The following ARHGAP22 variants were observed in gnomAD, a reference collection of about 807,000 sequenced individuals.
The protein encoded by ARHGAP22 is Rho GTPase activating protein 22.
In ARHGAP22, 48 loss-of-function variants were observed where a neutral mutation model predicts 59.1. That is an observed-to-expected ratio of 0.81 (90% CI 0.64 to 1.03). The LOEUF is 1.03. ARHGAP22 is among the 50% of genes least tolerant of loss of function. The probability of loss-of-function intolerance (pLI) is 0.00; values close to 1 mark genes in which losing one functional copy is unlikely to be tolerated. For synonymous variants in ARHGAP22, 445 were observed against 416.4 expected (o/e 1.07, Z -0.84); for missense variants, 1,015 against 958.7 (o/e 1.06, Z -0.78).
At chr10:48,653,193 T>C (rs560810892), upstream of ARHGAP22, among the ~76,000 whole-genome samples, 1 of 152,348 alleles carries the variant, frequency 6.6e-6, no homozygotes, top group South Asian at 2.1e-4. Flanking sequence ...CTCTGTTCTA[T>C]TGAGCTTGCA....
intron 1 of ARHGAP22, among the ~76,000 whole-genome samples, chr10:48,612,727 C>T (rs763520252): frequency 3.3e-5 from 5 of 152,230 alleles, no homozygotes; most frequent in Non-Finnish European, 7.3e-5. Flanking sequence ...TTCTGTGACT[C>T]ACAACCCACA....
chr10:48,470,702 T>G (rs1477560676), intron 4 of ARHGAP22, among the ~76,000 whole-genome samples: 4 of 152,204 alleles, frequency 2.6e-5, no homozygotes, highest in Non-Finnish European at 5.9e-5. Context: ...CTTAGTGACC[T>G]GAGGCCTAGC....
chr10:48,487,136 G>A (rs1371621943), intron 3 of ARHGAP22, among the ~76,000 whole-genome samples: 6 of 152,094 alleles, frequency 3.9e-5, no homozygotes, highest in African/African-American at 1.4e-4. Context: ...CTTCAAATAC[G>A]TGTTTCCATC....
chr10:48,529,836 A>C (rs960798841), intron 3 of ARHGAP22, among the ~76,000 whole-genome samples: 1 of 152,276 alleles, frequency 6.6e-6, no homozygotes, highest in Non-Finnish European at 1.5e-5. Flanking sequence ...CAAAACAAAC[A>C]AAACATAAAA....
intron 1 of ARHGAP22, among the ~76,000 whole-genome samples, chr10:48,594,035 G>C (rs2059923297): frequency 6.6e-6 from 1 of 152,198 alleles, no homozygotes; most frequent in Non-Finnish European, 1.5e-5. Flanking sequence ...TTGGAGTGGA[G>C]CTGGATCCCC....
rs530995744 is a variant in ARHGAP22 at position 48,618,519 on chromosome 10, A to C, written c.52+33715T>G. On this transcript the variant is annotated intron_variant, in intron 1 of 9. Transcript: ENST00000435790. The stretch of plus-strand genomic sequence containing the variant: ...ACCATGATCAAGTGGGATTTATCTC[A>C]GGGATGCAAGTGTGGTTCAACATAT... Among the ~76,000 whole-genome samples the C allele has an allele frequency of 1.4e-4, 21 of 152,254 alleles. 1 individual carries two copies. The South Asian group carries it at 4.3e-3, about 32-fold the overall frequency.
At chr10:48,645,582 A>C (rs560065570) in intron 1 of ARHGAP22, among the ~76,000 whole-genome samples, 1 of 152,290 alleles carries the variant, frequency 6.6e-6, no homozygotes, top group South Asian at 2.1e-4. Context: ...CATCTGACAA[A>C]ATCCAATAGC....
chr10:48,443,023 A>G (rs1589371416), downstream of ARHGAP22, among the ~76,000 whole-genome samples: 2 of 152,238 alleles, frequency 1.3e-5, no homozygotes, highest in East Asian at 1.9e-4. Context: ...CTTTGCTTGG[A>G]AACTGCTGTG....
intron 1 of ARHGAP22, among the ~76,000 whole-genome samples, chr10:48,648,584 C>T (rs1343008315): frequency 6.6e-6 from 1 of 152,214 alleles, no homozygotes. Context: ...GGTTGTGTAA[C>T]TCATCCCATT....
chr10:48,538,902 A>T (rs2055628980), intron 3 of ARHGAP22, among the ~76,000 whole-genome samples: 1 of 152,212 alleles, frequency 6.6e-6, no homozygotes, highest in Non-Finnish European at 1.5e-5. Context: ...GCTTTCTCTG[A>T]AATAAAACTA....
At chr10:48,640,409 A>G (rs2061995830) in intron 1 of ARHGAP22, among the ~76,000 whole-genome samples, 1 of 152,206 alleles carries the variant, frequency 6.6e-6, no homozygotes, top group Non-Finnish European at 1.5e-5. Flanking sequence ...ATAAATACAA[A>G]GAGATCTATA....
intron 4 of ARHGAP22, among the ~76,000 whole-genome samples, chr10:48,468,830 T>C (rs571814622): frequency 7.9e-4 from 120 of 151,682 alleles, no homozygotes; most frequent in African/African-American, 2.9e-3. Flanking sequence ...AAACTGGGAG[T>C]GGGGCCGCGG....
chr10:48,651,995 G>T (rs1002196), intron 1 of ARHGAP22, among the ~76,000 whole-genome samples: 34,993 of 151,902 alleles, frequency 0.23, 4,445 homozygotes, highest in Non-Finnish European at 0.29. Context: ...AGTCATTAGA[G>T]CCCAGGACCC....
chr10:48,584,951 G>A (rs1044032126), intron 1 of ARHGAP22, among the ~76,000 whole-genome samples: 12 of 147,794 alleles, frequency 8.1e-5, no homozygotes, highest in East Asian at 2.0e-4. Flanking sequence ...CTGAGATTGC[G>A]CCACTGCACT....
At chr10:48,470,174 T>C (rs1311411786) in intron 4 of ARHGAP22, among the ~76,000 whole-genome samples, 5 of 152,194 alleles carry the variant, frequency 3.3e-5, no homozygotes, top group African/African-American at 4.8e-5. Context: ...GAAACCAAAC[T>C]GGCCAAGCTG....
intron 1 of ARHGAP22, among the ~76,000 whole-genome samples, chr10:48,616,474 T>C (rs1483259861): frequency 6.6e-6 from 1 of 152,170 alleles, no homozygotes; most frequent in African/African-American, 2.4e-5. Context: ...AAGACATGAC[T>C]GTATATATCA....
chr10:48,520,815 G>C (rs531353662), intron 3 of ARHGAP22, among the ~76,000 whole-genome samples: 1 of 152,220 alleles, frequency 6.6e-6, no homozygotes, highest in South Asian at 2.1e-4. Context: ...AAAGGCAGCT[G>C]GAGATGAAGC....
intron 4 of ARHGAP22, among the ~76,000 whole-genome samples, chr10:48,475,965 G>A (rs888704388): frequency 1.3e-5 from 2 of 152,174 alleles, no homozygotes; most frequent in Non-Finnish European, 2.9e-5. Context: ...ACCTCTGCCT[G>A]TGCTGTTATC....
At chr10:48,575,993 G>A (rs879629134) in intron 2 of ARHGAP22, among the ~76,000 whole-genome samples, 4 of 152,332 alleles carry the variant, frequency 2.6e-5, no homozygotes, top group Non-Finnish European at 5.9e-5. Flanking sequence ...CCAAGTATAA[G>A]CAACCCACAA....
Sources: allele counts gnomAD v4.1 joint callset (sites outside exome capture counted in the v4.1 genomes callset), GRCh38; gene constraint gnomAD v4.1.1; transcripts MANE v1.5; gene names NCBI Gene and HGNC (gene_info 2026-07-23, HGNC 2026-07-21).